Variants in FBXO34 observed in about 807,000 individuals in gnomAD.
FBXO34 encodes F-box only protein 34.
A neutral mutation model predicts 24.5 loss-of-function variants in FBXO34; 12 were observed. That is an observed-to-expected ratio of 0.49 (90% CI 0.31 to 0.79). The LOEUF (loss-of-function observed/expected upper bound fraction) is 0.79. Ranked by LOEUF, FBXO34 falls within the 30% of genes least tolerant of loss-of-function variation. The pLI is 0.04. For synonymous variants in FBXO34, 320 were observed against 311.9 expected (o/e 1.03, Z -0.27); for missense variants, 823 against 857.7 (o/e 0.96, Z 0.51).
chr14:55,416,504 T>C, the FBXO34 span, among the ~76,000 whole-genome samples: 12 of 152,346 alleles, frequency 7.9e-5, no homozygotes, highest in African/African-American at 2.4e-4. Context: ...AAAAGTTTAC[T>C]ATCTGTAGGT....
the FBXO34 span, chr14:55,438,764 T>TA: frequency 6.6e-6 from 1 of 152,298 alleles, no homozygotes; most frequent in Admixed American, 6.5e-5. Context: ...TCAGAATCTT[T>TA]AGTCATTTTT....
intron 1 of FBXO34, among the ~76,000 whole-genome samples, chr14:55,294,009 C>T (rs573991063): frequency 6.6e-5 from 10 of 152,162 alleles, no homozygotes; most frequent in African/African-American, 2.2e-4. Flanking sequence ...GTGTCTAGAA[C>T]GCTATTCCTT....
the FBXO34 span, among the ~76,000 whole-genome samples, chr14:55,393,183 C>T: frequency 2.0e-5 from 3 of 151,960 alleles, no homozygotes; most frequent in African/African-American, 2.4e-5. Context: ...AGATTGAGAC[C>T]ATCCTGGCTA....
intron 1 of FBXO34, among the ~76,000 whole-genome samples, chr14:55,274,609 TGA>T (rs1351870167): frequency 4.6e-5 from 7 of 152,246 alleles, no homozygotes; most frequent in Non-Finnish European, 1.0e-4. Flanking sequence ...AATGTCAAGA[TGA>T]GAGTGCTGTA....
downstream of FBXO34, chr14:55,369,437 C>A: frequency 1.9e-6 from 1 of 516,668 alleles, no homozygotes; most frequent in Non-Finnish European, 3.2e-6. Context: ...GCATGTTGGT[C>A]ACCATCACAG....
At chr14:55,442,740 TG>T in the FBXO34 span, among the ~76,000 whole-genome samples, 1 of 152,138 alleles carries the variant, frequency 6.6e-6, no homozygotes, top group African/African-American at 2.4e-5. Flanking sequence ...GCACAGTACC[TG>T]CCTAGTAGCT....
At chr14:55,389,363 A>G in the FBXO34 span, among the ~76,000 whole-genome samples, 1 of 152,234 alleles carries the variant, frequency 6.6e-6, no homozygotes, top group Non-Finnish European at 1.5e-5. Context: ...GAGCCTTTGG[A>G]GAATGCATGC....
the FBXO34 span, chr14:55,397,559 A>C: frequency 2.6e-6 from 2 of 755,822 alleles, no homozygotes; most frequent in South Asian, 3.2e-5. Context: ...CTGATAGTAA[A>C]TACACGTCTT....
downstream of FBXO34, among the ~76,000 whole-genome samples, chr14:55,373,468 TTTTTA>T (rs1409693971): frequency 2.0e-5 from 3 of 152,178 alleles, no homozygotes; most frequent in Non-Finnish European, 2.9e-5. Context: ...ATTACTTATT[TTTTTA>T]TTTTGAGATG....
downstream of FBXO34, among the ~76,000 whole-genome samples, chr14:55,358,133 G>C (rs1480851793): frequency 6.6e-6 from 1 of 151,982 alleles, no homozygotes; most frequent in Non-Finnish European, 1.5e-5. Flanking sequence ...TGTGTGGCCT[G>C]TCTTGAGCAA....
chr14:55,429,391 T>TTG, the FBXO34 span, among the ~76,000 whole-genome samples: 1 of 152,192 alleles, frequency 6.6e-6, no homozygotes, highest in Non-Finnish European at 1.5e-5. Flanking sequence ...AATCTGTCTT[T>TTG]TAACAAGCCC....
intron 1 of FBXO34, among the ~76,000 whole-genome samples, chr14:55,319,352 T>C (rs1054228957): frequency 2.0e-5 from 3 of 152,220 alleles, no homozygotes; most frequent in Non-Finnish European, 4.4e-5. Flanking sequence ...GTAATTATTT[T>C]TAAAAATCCA....
rs182630178 is a variant in FBXO34, at chr14:55,312,310, A to G, written c.-10-38071A>G. Among the ~76,000 whole-genome samples, 311 of 152,266 alleles carry G rather than the reference A, an allele frequency of 2.0e-3. 1 individual carries two copies. Among genetic ancestry groups the G allele is most frequent in the Middle Eastern group, 0.01 (3 of 294 alleles). On this transcript the variant is annotated intron_variant, in intron 1 of 1. Transcript: ENST00000313833. ...GGCTCCCATGGCCTTGGGCAGCTCC[A>G]CCTGTGGCTCTGCAGGGTACAGCCC...
At chr14:55,411,827 G>A in the FBXO34 span, 2 of 1,585,528 alleles carry the variant, frequency 1.3e-6, no homozygotes, top group Non-Finnish European at 1.7e-6. Flanking sequence ...CGCCATGATG[G>A]CCTGAGAGGA....
downstream of FBXO34, among the ~76,000 whole-genome samples, chr14:55,363,767 A>T (rs913336097): frequency 6.6e-6 from 1 of 152,190 alleles, no homozygotes; most frequent in Non-Finnish European, 1.5e-5. Flanking sequence ...TTTAAAAAAT[A>T]GCTCAGTAGC....
the FBXO34 span, among the ~76,000 whole-genome samples, chr14:55,407,116 A>G: frequency 1.3e-5 from 2 of 151,796 alleles, no homozygotes; most frequent in African/African-American, 4.8e-5. Context: ...CCTGCAACAC[A>G]ACACCCAGCT....
chr14:55,414,572 T>C, the FBXO34 span: 1 of 683,338 alleles, frequency 1.5e-6, no homozygotes, highest in Non-Finnish European at 2.3e-6. Flanking sequence ...TCTTTAGCTG[T>C]ACCTGAGAAA....
chr14:55,312,942 A>G (rs1279367813), intron 1 of FBXO34, among the ~76,000 whole-genome samples: 2 of 152,212 alleles, frequency 1.3e-5, no homozygotes, highest in Non-Finnish European at 2.9e-5. Flanking sequence ...TTACTTATGC[A>G]CATTTTTGTA....
At chr14:55,436,051 T>A in the FBXO34 span, 1 of 581,432 alleles carries the variant, frequency 1.7e-6, no homozygotes, top group Non-Finnish European at 2.9e-6. Context: ...GGGGGAGAAT[T>A]ATTCCAAATG....
Sources: gnomAD v4.1 joint callset for allele counts (sites outside exome capture counted in the v4.1 genomes callset) on GRCh38, gnomAD v4.1.1 for gene constraint, MANE v1.5 for transcripts, NCBI Gene and HGNC (gene_info 2026-07-23, HGNC 2026-07-21) for gene names.